The following CNTLN variants were observed in gnomAD, a reference collection of about 807,000 sequenced individuals.
The protein encoded by CNTLN is centlein.
Under a neutral mutation model 180.0 loss-of-function variants are expected in CNTLN, and 212 were observed. The observed-to-expected ratio is 1.18, with a 90% CI of 1.05 to 1.32. The LOEUF (loss-of-function observed/expected upper bound fraction) is 1.32, where lower values mean the gene tolerates loss of function less well. Among genes scored for constraint, CNTLN ranks in the 40% most tolerant of loss-of-function variants. CNTLN has a pLI of 0.00. For synonymous variants in CNTLN, 722 were observed against 563.1 expected (o/e 1.28, Z -3.99); for missense variants, 2,095 against 1,610.9 (o/e 1.30, Z -5.14).
intron 16 of CNTLN, among the ~76,000 whole-genome samples, chr9:17,413,762 C>T (rs1413425457): frequency 6.6e-6 from 1 of 152,132 alleles, no homozygotes; most frequent in South Asian, 2.1e-4. Context: ...ATATATTGTT[C>T]ATGTGAATAT....
At chr9:17,360,895 G>A (rs559033305) in intron 12 of CNTLN, among the ~76,000 whole-genome samples, 5 of 152,196 alleles carry the variant, frequency 3.3e-5, no homozygotes, top group African/African-American at 4.8e-5. Context: ...TTGTTTTGCT[G>A]TTGTTGGGTA....
At chr9:17,343,713 T>C (rs1238769246) in intron 12 of CNTLN, among the ~76,000 whole-genome samples, 1 of 152,180 alleles carries the variant, frequency 6.6e-6, no homozygotes, top group African/African-American at 2.4e-5. Context: ...ATATAACGTA[T>C]ATAATTCACT....
At chr9:17,314,338 A>G (rs1009570910) in intron 8 of CNTLN, among the ~76,000 whole-genome samples, 1 of 152,178 alleles carries the variant, frequency 6.6e-6, no homozygotes, top group Admixed American at 6.5e-5. Context: ...ATTGTAAAAT[A>G]TATGTTATAG....
intron 8 of CNTLN, among the ~76,000 whole-genome samples, chr9:17,313,948 G>C (rs752285437): frequency 6.6e-6 from 1 of 152,026 alleles, no homozygotes; most frequent in Admixed American, 6.6e-5. Context: ...ATGCCCGGCT[G>C]GTCTCAAACT....
At chr9:17,395,220 A>G in intron 15 of CNTLN, 151 bp downstream of exon 15, 1 of 1,243,468 alleles carries the variant, frequency 8.0e-7, no homozygotes. Context: ...TCTTGTTCTG[A>G]GCTTATTGAC....
intron 13 of CNTLN, among the ~76,000 whole-genome samples, chr9:17,383,860 G>C (rs1302144573): frequency 6.6e-6 from 1 of 151,924 alleles, no homozygotes; most frequent in Non-Finnish European, 1.5e-5. Context: ...GGATGGTCTC[G>C]ATCTCCTGAC....
chr9:17,331,000 T>C (rs1404349728), intron 9 of CNTLN, among the ~76,000 whole-genome samples, 192 bp downstream of exon 9: 2 of 152,036 alleles, frequency 1.3e-5, no homozygotes, highest in Non-Finnish European at 2.9e-5. Flanking sequence ...GACTGAGTTA[T>C]ATTCCCAAAT....
intron 5 of CNTLN, among the ~76,000 whole-genome samples, chr9:17,244,224 T>G (rs975733102): frequency 2.7e-5 from 4 of 149,644 alleles, no homozygotes; most frequent in Non-Finnish European, 5.9e-5. Context: ...TTTTGTTTTT[T>G]TTTTTGACAC....
rs79815209 is a variant in CNTLN, at chr9:17,376,115, A to T, written c.1987+9398A>T. On this transcript the variant is annotated intron_variant, in intron 13 of 25. Coordinates refer to ENST00000380647, the MANE Select transcript of CNTLN (RefSeq NM_017738.4). Reference sequence around the variant, plus strand: ...TGAACCCCTCCATTTAACACCTTTAATTTTTATCATATTTCAAGCTTATCT... The same window carrying T: ...TGAACCCCTCCATTTAACACCTTTATTTTTTATCATATTTCAAGCTTATCT... Among the ~76,000 whole-genome samples the T allele has an allele frequency of 0.018, 2,712 of 152,162 alleles. 157 individuals carry two copies. The East Asian group carries it at 0.23, about 13-fold the overall frequency.
At chr9:17,319,808 T>A (rs1339112769) in intron 8 of CNTLN, among the ~76,000 whole-genome samples, 1 of 152,078 alleles carries the variant, frequency 6.6e-6, no homozygotes, top group African/African-American at 2.4e-5. Flanking sequence ...TTTTCTTATA[T>A]TGGTGGGGAT....
intron 5 of CNTLN, among the ~76,000 whole-genome samples, chr9:17,247,218 C>T (rs1019466265): frequency 3.9e-5 from 6 of 152,040 alleles, no homozygotes; most frequent in Non-Finnish European, 7.4e-5. Context: ...AATTGCAATC[C>T]TTGTGGCCTA....
At chr9:17,196,849 G>A (rs1295080579) in intron 2 of CNTLN, among the ~76,000 whole-genome samples, 1 of 151,962 alleles carries the variant, frequency 6.6e-6, no homozygotes, top group Non-Finnish European at 1.5e-5. Context: ...TTTATACTTT[G>A]TGTTACAAAC....
intron 18 of CNTLN, among the ~76,000 whole-genome samples, chr9:17,425,398 A>G (rs1203990207): frequency 2.0e-5 from 3 of 152,196 alleles, no homozygotes; most frequent in East Asian, 3.9e-4. Context: ...TCTGCAAGCC[A>G]GGAAGCGATC....
At chr9:17,461,966 GA>G in intron 19 of CNTLN, among the ~76,000 whole-genome samples, 1 of 151,724 alleles carries the variant, frequency 6.6e-6, no homozygotes, top group African/African-American at 2.4e-5. Flanking sequence ...AAATACCACA[GA>G]ACAAACATGT....
At chr9:17,238,610 G>A (rs561280683) in intron 5 of CNTLN, among the ~76,000 whole-genome samples, 3 of 152,186 alleles carry the variant, frequency 2.0e-5, no homozygotes, top group South Asian at 2.1e-4. Flanking sequence ...AGTTTTGCAC[G>A]ACTGTCCATA....
At chr9:17,366,997 TAC>T (rs1823878998) in intron 13 of CNTLN, among the ~76,000 whole-genome samples, 1 of 152,112 alleles carries the variant, frequency 6.6e-6, no homozygotes, top group African/African-American at 2.4e-5. Flanking sequence ...AAGAACTACC[TAC>T]ACACACAAAA....
intron 1 of CNTLN, among the ~76,000 whole-genome samples, chr9:17,135,682 T>C (rs1306301292): frequency 6.6e-6 from 1 of 152,130 alleles, no homozygotes; most frequent in East Asian, 1.9e-4. Context: ...TTTGGTCACT[T>C]GGATACTCGC....
intron 5 of CNTLN, among the ~76,000 whole-genome samples, chr9:17,241,679 A>T (rs1587301137): frequency 1.3e-5 from 2 of 150,768 alleles, no homozygotes; most frequent in East Asian, 3.9e-4. Flanking sequence ...CTTCCAATCC[A>T]TGAGCAAGGT....
intron 2 of CNTLN, among the ~76,000 whole-genome samples, chr9:17,185,281 C>G (rs1821358691): frequency 1.3e-5 from 2 of 152,098 alleles, no homozygotes; most frequent in African/African-American, 4.8e-5. Context: ...ATGAGTAAAT[C>G]AAAAGAATAT....
Sources: allele counts gnomAD v4.1 joint callset (sites outside exome capture counted in the v4.1 genomes callset), GRCh38; gene constraint gnomAD v4.1.1; transcripts MANE v1.5; gene names NCBI Gene and HGNC (gene_info 2026-07-23, HGNC 2026-07-21).